CCDC152: variants seen among roughly 807,000 people sequenced by gnomAD.
The protein encoded by CCDC152 is coiled-coil domain-containing protein 152.
Under a neutral mutation model 38.1 loss-of-function variants are expected in CCDC152, and 37 were observed. That is an observed-to-expected ratio of 0.97 (90% CI 0.75 to 1.28). The LOEUF is 1.28. Ranked by LOEUF, CCDC152 falls within the 50% of genes most tolerant of loss-of-function variation. CCDC152 has a pLI of 0.00. For missense variants in CCDC152, 259 were observed against 292.1 expected (o/e 0.89, Z 0.83); for synonymous variants, 83 against 87.1 (o/e 0.95, Z 0.26).
intron 5 of CCDC152, among the ~76,000 whole-genome samples, chr5:42,780,195 A>C (rs1364026): frequency 0.26 from 39,387 of 152,032 alleles, 5,691 homozygotes; most frequent in Admixed American, 0.38. Context: ...TCAAAACTCA[A>C]GTTGAATCTA....
intron 4 of CCDC152, among the ~76,000 whole-genome samples, chr5:42,777,085 A>G (rs1360127923): frequency 6.6e-6 from 1 of 152,158 alleles, no homozygotes; most frequent in Non-Finnish European, 1.5e-5. Context: ...ATTGAAAACA[A>G]GAAATCAATA....
rs539552035 is a variant in CCDC152 at position 42,787,371 on chromosome 5, C to T, written c.430+3795C>T. Among the ~76,000 whole-genome samples the T allele has an allele frequency of 4.6e-4, 70 of 151,696 alleles. 1 individual carries two copies. Among genetic ancestry groups the T allele is most frequent in the South Asian group, 4.0e-3 (19 of 4,792 alleles). On this transcript the variant is annotated intron_variant, in intron 6 of 8. Coordinates refer to ENST00000361970, the MANE Select transcript of CCDC152 (RefSeq NM_001134848.2). ...GTTTTGCTTTTTAAAATGTAGCTAC[C>T]TCCTCTTTTATATCCTGAATCATTT...
chr5:42,801,584 TG>T lies in CCDC152; in HGVS notation c.*1805del, dbSNP rs1760204140. The T allele has an allele frequency of 1.3e-5, 6 of 457,848 alleles. No homozygotes were observed. The highest frequency in any genetic ancestry group is 3.9e-5 in the Admixed American group (1 of 25,662). 28.4% of individuals were successfully genotyped at this position (457,848 alleles called of 1,614,324 possible). On this transcript the variant is annotated 3_prime_UTR_variant, in exon 9 of 9. Transcript: ENST00000361970. The stretch of plus-strand genomic sequence containing the variant: ...ATGAAGTAAACTGGCAAAAGGAACT[TG>T]GATTGCAGGAAAGTCAAAGTAATAT...
intron 3 of CCDC152, among the ~76,000 whole-genome samples, chr5:42,768,078 A>C (rs7734918): frequency 6.6e-6 from 1 of 152,030 alleles, no homozygotes; most frequent in Admixed American, 6.6e-5. Context: ...TAGCATCACA[A>C]AGCTTTAAAC....
At position 42,802,223 on chromosome 5, in the gene CCDC152, T is replaced by C. The variant is rs1760222900; in HGVS notation, c.*2442T>C. 6.6e-6 allele frequency: 1 copy of C among 152,222 alleles called. No homozygotes were observed. Among genetic ancestry groups the C allele is most frequent in the Admixed American group, 6.5e-5 (1 of 15,276 alleles). 9.4% of individuals were successfully genotyped at this position (152,222 alleles called of 1,614,324 possible). A position where few individuals can be genotyped will look rare whatever the true frequency, so the allele number is the denominator to read the frequency against. ...TCCATTCCGCATGATCCTAGTTCTT[T>C]AATTTACTGGAAGTCTTTACTGTTT... On this transcript the variant is annotated 3_prime_UTR_variant, in exon 9 of 9. Coordinates refer to ENST00000361970, the MANE Select transcript of CCDC152 (RefSeq NM_001134848.2).
At chr5:42,793,426 A>G (rs1424958901) in intron 6 of CCDC152, among the ~76,000 whole-genome samples, 4 of 152,220 alleles carry the variant, frequency 2.6e-5, no homozygotes, top group Non-Finnish European at 5.9e-5. Flanking sequence ...TTTGCTATAT[A>G]TAAATTACGC....
At chr5:42,761,115 G>A (rs1759546959) in intron 2 of CCDC152, among the ~76,000 whole-genome samples, 1 of 152,120 alleles carries the variant, frequency 6.6e-6, no homozygotes, top group Non-Finnish European at 1.5e-5. Flanking sequence ...GATGATATAA[G>A]ACTGTTCATG....
chr5:42,765,617 A>G (rs959055536), intron 3 of CCDC152, among the ~76,000 whole-genome samples: 1 of 152,194 alleles, frequency 6.6e-6, no homozygotes, highest in African/African-American at 2.4e-5. Context: ...CCACACATCT[A>G]TAGTGAGCTC....
chr5:42,783,425 A>G (rs1305064327), intron 5 of CCDC152, 49 bp from the exon 6 acceptor site: 1 of 716,034 alleles, frequency 1.4e-6, no homozygotes, highest in Middle Eastern at 5.7e-4. Flanking sequence ...ATCAGAAGTT[A>G]TATACACATA....
At chr5:42,781,036 C>T (rs1759838102) in intron 5 of CCDC152, among the ~76,000 whole-genome samples, 2 of 152,176 alleles carry the variant, frequency 1.3e-5, no homozygotes, top group South Asian at 4.1e-4. Context: ...GAATAGTCTT[C>T]ATGCCTGGAG....
chr5:42,762,280 G>A (rs1454040731), intron 2 of CCDC152, among the ~76,000 whole-genome samples, 163 bp from the exon 3 acceptor site: 1 of 152,154 alleles, frequency 6.6e-6, no homozygotes, highest in African/African-American at 2.4e-5. Flanking sequence ...GCAGTCTGTT[G>A]TTGATCAAAA....
chr5:42,773,999 A>C (rs1187771179), intron 4 of CCDC152, among the ~76,000 whole-genome samples: 1 of 152,188 alleles, frequency 6.6e-6, no homozygotes, highest in Admixed American at 6.5e-5. Context: ...TAAAACATAT[A>C]AGGATCTCAG....
At chr5:42,776,687 T>C (rs1759771635) in intron 4 of CCDC152, among the ~76,000 whole-genome samples, 1 of 152,048 alleles carries the variant, frequency 6.6e-6, no homozygotes, top group Admixed American at 6.5e-5. Context: ...CTTAGCAAAT[T>C]TGAAAGACCA....
chr5:42,792,485 T>A (rs13171019), intron 6 of CCDC152, among the ~76,000 whole-genome samples: 2 of 152,136 alleles, frequency 1.3e-5, no homozygotes, highest in Non-Finnish European at 2.9e-5. Context: ...ATATTTCAAA[T>A]GTCTTAATGA....
chr5:42,767,173 T>C (rs921097764), intron 3 of CCDC152, among the ~76,000 whole-genome samples: 2 of 152,102 alleles, frequency 1.3e-5, no homozygotes, highest in Admixed American at 6.5e-5. Context: ...GCCAAGTGTG[T>C]AATAATTCAC....
chr5:42,769,897 T>G (rs1759674708), intron 4 of CCDC152, among the ~76,000 whole-genome samples: 1 of 152,230 alleles, frequency 6.6e-6, no homozygotes, highest in African/African-American at 2.4e-5. Context: ...TTTACATAGG[T>G]CATATAGTTA....
chr5:42,765,446 A>G (rs1442161371), intron 3 of CCDC152, among the ~76,000 whole-genome samples: 6 of 137,760 alleles, frequency 4.4e-5, no homozygotes, highest in African/African-American at 1.6e-4. Flanking sequence ...CAAAAGACCC[A>G]GAATAGCCAA....
chr5:42,791,028 T>C (rs1171127075), intron 6 of CCDC152, among the ~76,000 whole-genome samples: 5 of 152,194 alleles, frequency 3.3e-5, no homozygotes, highest in Non-Finnish European at 7.3e-5. Context: ...AAAGGGATAC[T>C]AGAAGTATTA....
chr5:42,780,646 G>C (rs886908865), intron 5 of CCDC152, among the ~76,000 whole-genome samples: 1 of 152,138 alleles, frequency 6.6e-6, no homozygotes, highest in African/African-American at 2.4e-5. Context: ...CCAAGAGTCT[G>C]AATTTCTTAC....
Sources: allele counts gnomAD v4.1 joint callset (sites outside exome capture counted in the v4.1 genomes callset), GRCh38; gene constraint gnomAD v4.1.1; transcripts MANE v1.5; gene names NCBI Gene and HGNC (gene_info 2026-07-23, HGNC 2026-07-21).